CREB3L2: variants seen among roughly 807,000 people sequenced by gnomAD.
The protein encoded by CREB3L2 is cyclic AMP-responsive element-binding protein 3-like protein 2.
Under a neutral mutation model 57.2 loss-of-function variants are expected in CREB3L2, and 23 were observed. The observed-to-expected ratio is 0.40, with a 90% CI of 0.29 to 0.57. The LOEUF is 0.57. CREB3L2 is among the 20% of genes least tolerant of loss of function. The pLI, the probability that CREB3L2 is intolerant of heterozygous loss-of-function variation, is 0.42. For missense variants in CREB3L2, 628 were observed against 634.7 expected (o/e 0.99, Z 0.11); for synonymous variants, 268 against 265.1 (o/e 1.01, Z -0.11).
At chr7:137,910,912 T>C (rs1006734990) in intron 4 of CREB3L2, among the ~76,000 whole-genome samples, 1 of 152,206 alleles carries the variant, frequency 6.6e-6, no homozygotes, top group Non-Finnish European at 1.5e-5. Flanking sequence ...GCCTAGAAAC[T>C]GATGCAGTCA....
rs1288243812 is a variant in CREB3L2 at position 137,915,985 on chromosome 7, A to G, written c.347T>C (p.Leu116Pro). 6.2e-7 allele frequency: 1 copy of G among 1,612,610 alleles called. No homozygotes were observed. The highest frequency in any genetic ancestry group is 1.7e-5 in the Admixed American group (1 of 59,862). The change falls in exon 3 of 12, where the codon CTG (leucine) becomes CCG (proline). Residue 116 changes from leucine to proline, a missense_variant. Leu to Pro is a moderately conservative substitution (Grantham distance 98). This residue lies in a region of CREB3L2 where 339 missense variants were observed against 355.4 expected (regional missense o/e 0.95). Transcript: ENST00000330387. ...GGATGTTGAAGGGAAGTCTGTAGAC[A>G]GGTACCATTTCTCACTTTCCACCTC... ...DDEVESEKWYLSTDFPSTSIK... is the reference protein window; with the variant it reads ...DDEVESEKWYPSTDFPSTSIK...
At chr7:137,957,688 T>C (rs755671661) in intron 1 of CREB3L2, 2 of 924,486 alleles carry the variant, frequency 2.2e-6, no homozygotes, top group South Asian at 2.8e-5. Flanking sequence ...ATAACCCAAA[T>C]AATTCCTACT....
At chr7:137,976,291 T>C (rs1801606979) in intron 1 of CREB3L2, among the ~76,000 whole-genome samples, 1 of 152,330 alleles carries the variant, frequency 6.6e-6, no homozygotes, top group African/African-American at 2.4e-5. Flanking sequence ...AGAGAACTAA[T>C]GTAGTCTCTC....
intron 2 of CREB3L2, among the ~76,000 whole-genome samples, chr7:137,923,741 C>T (rs1160983792): frequency 6.6e-6 from 1 of 152,204 alleles, no homozygotes; most frequent in African/African-American, 2.4e-5. Flanking sequence ...TTTCCTGCTG[C>T]AGGTTTCATC....
chr7:137,916,976 G>T (rs1238102763), intron 2 of CREB3L2, among the ~76,000 whole-genome samples: 5 of 151,832 alleles, frequency 3.3e-5, no homozygotes, highest in Non-Finnish European at 7.4e-5. Flanking sequence ...GTTTGTTTTT[G>T]TCCTCTTCTG....
In CREB3L2 at chr7:137,972,734, TATAGAG is replaced by T. The variant is rs1246872004; in HGVS notation, c.102+28864_102+28869del. Among the ~76,000 whole-genome samples the T allele has an allele frequency of 4.5e-3, 106 of 23,402 alleles. 1 individual carries two copies. The highest frequency in any genetic ancestry group is 5.8e-3 in the African/African-American group (24 of 4,136). The allele number at this position is 23,402 out of a possible 152,430, so 15.4% of individuals were successfully genotyped here. ...AAAAATATATATATATATATATATA[TATAGAG>T]AGAGAGAGAGAGAGAGAGAGAGAGA... On this transcript the variant is annotated intron_variant, in intron 1 of 11. Transcript: ENST00000330387.
At chr7:137,981,380 T>A (rs1472174132) in intron 1 of CREB3L2, among the ~76,000 whole-genome samples, 1 of 152,206 alleles carries the variant, frequency 6.6e-6, no homozygotes, top group African/African-American at 2.4e-5. Flanking sequence ...GATTCATGTT[T>A]ACCAAGTTTT....
At chr7:137,905,893 G>C in intron 5 of CREB3L2, 45 bp from the exon 6 acceptor site, 1 of 1,535,872 alleles carries the variant, frequency 6.5e-7, no homozygotes, top group Non-Finnish European at 8.8e-7. Context: ...AAAAGAACTG[G>C]GACCACTGAA....
At chr7:137,937,888 C>CT (rs5887861) in intron 1 of CREB3L2, among the ~76,000 whole-genome samples, 13,534 of 145,746 alleles carry the variant, frequency 0.093, 895 homozygotes, top group Admixed American at 0.22. Context: ...CCAGATGAAC[C>CT]TTTTTTTTTT....
chr7:137,955,035 G>C (rs1458269506), intron 1 of CREB3L2, among the ~76,000 whole-genome samples: 2 of 152,108 alleles, frequency 1.3e-5, no homozygotes, highest in African/African-American at 2.4e-5. Flanking sequence ...CAGAGCCACT[G>C]GTAGAGACAC....
intron 8 of CREB3L2, 84 bp downstream of exon 8, chr7:137,901,270 G>T: frequency 1.1e-6 from 1 of 912,798 alleles, no homozygotes; most frequent in Non-Finnish European, 1.8e-6. Context: ...CCACTTTTCT[G>T]CCATCCCTGG....
rs1799124258 is a variant in CREB3L2 at position 137,875,341 on chromosome 7, T to C, written c.*5135A>G. ...TGTCAAAGAGTGCTGGTGTTCTCTATGAACTCATAAACTGTTTTATCTGAA... is the reference window on the plus strand; with the variant it reads ...TGTCAAAGAGTGCTGGTGTTCTCTACGAACTCATAAACTGTTTTATCTGAA... On this transcript the variant is annotated 3_prime_UTR_variant, in exon 12 of 12. Transcript: ENST00000330387. 1 of 218,916 alleles carries C rather than the reference T, an allele frequency of 4.6e-6. No individual in the cohort carries two copies. The highest frequency in any genetic ancestry group is 1.4e-3 in the Middle Eastern group (1 of 714). The allele number at this position is 218,916 out of a possible 1,614,324, so 13.6% of individuals were successfully genotyped here.
chr7:137,942,603 A>C (rs572035602), intron 1 of CREB3L2, among the ~76,000 whole-genome samples: 13 of 152,294 alleles, frequency 8.5e-5, no homozygotes, highest in Admixed American at 7.2e-4. Context: ...CGAGGCCATA[A>C]TATTCTCTTT....
At position 137,922,426 on chromosome 7, in the gene CREB3L2, ATATATATATACG is replaced by A. The variant is rs1266082128; in HGVS notation, c.319+5712_319+5723del. On this transcript the variant is annotated intron_variant, in intron 2 of 11. Transcript: ENST00000330387. ...TATATATATATATATGTATATATAT[ATATATATATACG>A]TATATATATATATATACACACATAT... is the stretch of plus-strand genomic sequence containing the variant. 1.3e-3 allele frequency among the ~76,000 whole-genome samples: 67 copies of A among 51,124 alleles called. 3 individuals carry two copies. Among genetic ancestry groups the A allele is most frequent in the African/African-American group, 7.6e-3 (56 of 7,408 alleles). 33.5% of individuals were successfully genotyped at this position (51,124 alleles called of 152,430 possible).
intron 1 of CREB3L2, among the ~76,000 whole-genome samples, chr7:137,982,684 A>G (rs1259154525): frequency 1.3e-5 from 2 of 152,144 alleles, no homozygotes; most frequent in African/African-American, 4.8e-5. Context: ...CTGTGAGTCA[A>G]TTAAACCTCT....
At position 137,874,992 on chromosome 7, in the gene CREB3L2, A is replaced by C. The variant is rs1799113650; in HGVS notation, c.*5484T>G. The C allele has an allele frequency of 1.1e-5, 2 of 181,418 alleles. No homozygotes were observed. The highest frequency in any genetic ancestry group is 3.9e-4 in the South Asian group (2 of 5,080). The allele number at this position is 181,418 out of a possible 1,614,324, so 11.2% of individuals were successfully genotyped here. ...CTGGGCAACATCTTACTATTTAAGA[A>C]AAAATATTTATTTGCAAGAAATGGA... On this transcript the variant is annotated 3_prime_UTR_variant, in exon 12 of 12. Coordinates refer to ENST00000330387, the MANE Select transcript of CREB3L2 (RefSeq NM_194071.4).
At position 137,991,163 on chromosome 7, in the gene CREB3L2, T is replaced by TA. The variant is rs1162872801; in HGVS notation, c.102+10440_102+10441insT. Among the ~76,000 whole-genome samples, 15 of 140,172 alleles carry TA rather than the reference T, an allele frequency of 1.1e-4. No homozygotes were observed. In the East Asian group the frequency reaches 3.6e-3, roughly 33 times the overall value. The allele number at this position is 140,172 out of a possible 152,430, so 92.0% of individuals were successfully genotyped here. A position where few individuals can be genotyped will look rare whatever the true frequency, so the allele number is the denominator to read the frequency against. ...CGTGGCTGTCATTGTTTTACATAGC[T>TA]TTTTTTTTTTTCTTTTTGGGGACGG... On this transcript the variant is annotated intron_variant, in intron 1 of 11. Transcript: ENST00000330387.
At position 137,890,290 on chromosome 7, in the gene CREB3L2, G is replaced by T. The variant is rs79414706; in HGVS notation, c.1044-4788C>A. Among the ~76,000 whole-genome samples the T allele has an allele frequency of 9.0e-4, 137 of 152,286 alleles. 3 individuals are homozygous for T. In the East Asian group the frequency reaches 0.026, roughly 29 times the overall value. ...CATCAAAGATAAAATGCAGATAATA[G>T]ATAAAAGAATCAAGGGTACTTCTTG... On this transcript the variant is annotated intron_variant, in intron 8 of 11. Transcript: ENST00000330387.
intron 1 of CREB3L2, among the ~76,000 whole-genome samples, chr7:137,953,026 AG>A (rs1277943904): frequency 2.2e-4 from 34 of 152,224 alleles, no homozygotes; most frequent in Non-Finnish European, 2.9e-5. Flanking sequence ...CATGTTGGCC[AG>A]GCTGGTCTCG....
Sources: gnomAD v4.1 joint callset for allele counts (sites outside exome capture counted in the v4.1 genomes callset) on GRCh38, gnomAD v4.1.1 for gene constraint, gnomAD v4.1.1 regional missense constraint, MANE v1.5 for transcripts, NCBI Gene and HGNC (gene_info 2026-07-23, HGNC 2026-07-21) for gene names.